The following AP2A2 variants were observed in gnomAD, a reference collection of about 807,000 sequenced individuals.
AP2A2 encodes the protein AP-2 complex subunit alpha-2.
AP2A2 carries 32 observed loss-of-function variants against 104.2 expected under a neutral mutation model. The observed-to-expected ratio is 0.31, with a 90% CI of 0.23 to 0.41. The LOEUF (loss-of-function observed/expected upper bound fraction) is 0.41. AP2A2 is among the 10% of genes least tolerant of loss of function. AP2A2 has a pLI of 1.00. For missense variants in AP2A2, 912 were observed against 1,261.0 expected, an observed-to-expected ratio of 0.72 and a Z score of 4.19; for synonymous variants, 539 against 533.3, an observed-to-expected ratio of 1.01 and a Z score of -0.15.
chr11:956,952 C>G (rs1301236542), intron 1 of AP2A2: 2 of 152,216 alleles, frequency 1.3e-5, no homozygotes, highest in African/African-American at 2.4e-5. Context: ...GGGGTGTCCT[C>G]CAGCTTGATT....
chr11:934,291 A>G (rs1035712917), intron 1 of AP2A2, among the ~76,000 whole-genome samples: 5 of 152,066 alleles, frequency 3.3e-5, no homozygotes, highest in Middle Eastern at 6.8e-3. Flanking sequence ...AATTTTTTAT[A>G]TTTATATTTA....
chr11:936,582 C>A (rs1232337030), intron 1 of AP2A2, among the ~76,000 whole-genome samples: 1 of 151,932 alleles, frequency 6.6e-6, no homozygotes, highest in Non-Finnish European at 1.5e-5. Context: ...GAAATGGGGT[C>A]TTGCTTTGTA....
At chr11:934,450 CCCTGTCGAGAG>C (rs1386909729) in intron 1 of AP2A2, among the ~76,000 whole-genome samples, 1 of 152,044 alleles carries the variant, frequency 6.6e-6, no homozygotes, top group Non-Finnish European at 1.5e-5. Flanking sequence ...CAAATTGTAG[CCCTGTCGAGAG>C]CCTGGAGTCT....
At chr11:987,287 A>T (rs921011200) in intron 9 of AP2A2, among the ~76,000 whole-genome samples, 1 of 152,068 alleles carries the variant, frequency 6.6e-6, no homozygotes, top group Non-Finnish European at 1.5e-5. Flanking sequence ...GAAAGATGAA[A>T]TTTTTTTCCC....
chr11:994,472 C>T (rs998442225), intron 14 of AP2A2, among the ~76,000 whole-genome samples: 19 of 150,816 alleles, frequency 1.3e-4, no homozygotes, highest in Admixed American at 1.3e-3. Flanking sequence ...GCTGTCCTGT[C>T]CCGGGGGCCA....
At chr11:941,452 T>G (rs1301379542) in intron 1 of AP2A2, among the ~76,000 whole-genome samples, 5 of 152,180 alleles carry the variant, frequency 3.3e-5, no homozygotes, top group African/African-American at 1.2e-4. Flanking sequence ...TTTATGTAAT[T>G]TTTATTTTTT....
At chr11:964,881 A>G (rs1463382802) in intron 2 of AP2A2, among the ~76,000 whole-genome samples, 1 of 127,346 alleles carries the variant, frequency 7.9e-6, no homozygotes, top group Non-Finnish European at 1.8e-5. Flanking sequence ...AAAGCATGGA[A>G]CGGGCGGGAA....
chr11:987,048 C>T (rs914884687), intron 9 of AP2A2, 95 bp downstream of exon 9: 27 of 1,386,796 alleles, frequency 1.9e-5, no homozygotes, highest in Middle Eastern at 3.6e-4. Flanking sequence ...CCTGACTCCC[C>T]GCAGAGATGG....
At chr11:959,830 C>T (rs1411106335) in intron 2 of AP2A2, among the ~76,000 whole-genome samples, 2 of 151,914 alleles carry the variant, frequency 1.3e-5, no homozygotes, top group Non-Finnish European at 2.9e-5. Context: ...CTGTGTAAGG[C>T]GCCACCGAAC....
chr11:934,454 G>T (rs1853389382), intron 1 of AP2A2, among the ~76,000 whole-genome samples: 1 of 152,030 alleles, frequency 6.6e-6, no homozygotes, highest in South Asian at 2.1e-4. Context: ...TTGTAGCCCT[G>T]TCGAGAGCCT....
At chr11:988,135 G>A (rs1327268470) in intron 9 of AP2A2, among the ~76,000 whole-genome samples, 2 of 152,236 alleles carry the variant, frequency 1.3e-5, no homozygotes, top group Admixed American at 6.5e-5. Context: ...CCATCAGCAC[G>A]GGCTCTGGGG....
intron 1 of AP2A2, chr11:942,402 C>T (rs185225023): frequency 1.9e-4 from 29 of 152,302 alleles, no homozygotes; most frequent in Admixed American, 1.9e-3. Context: ...GTGGTATGTA[C>T]TTTGCAAACC....
At chr11:983,369 ATTAT>A (rs72210326) in intron 6 of AP2A2, among the ~76,000 whole-genome samples, 144,433 of 146,390 alleles carry the variant, frequency 0.99, 71,262 homozygotes, top group South Asian at 1. Flanking sequence ...GTCTCTTTTT[ATTAT>A]TTATTTATTT....
intron 1 of AP2A2, among the ~76,000 whole-genome samples, chr11:944,269 A>T (rs1853758217): frequency 6.6e-6 from 1 of 152,158 alleles, no homozygotes; most frequent in Non-Finnish European, 1.5e-5. Flanking sequence ...AGCTCTTGGG[A>T]CAGTTTTTGG....
At chr11:1,007,813 C>T (rs1236876375) in intron 17 of AP2A2, 199 bp from the exon 18 acceptor site, 8 of 669,374 alleles carry the variant, frequency 1.2e-5, no homozygotes, top group South Asian at 3.8e-5. Flanking sequence ...ATTCTGGAAG[C>T]GTGAGAAGCA....
chr11:986,218 G>A (rs2133711974), intron 8 of AP2A2, among the ~76,000 whole-genome samples: 1 of 152,352 alleles, frequency 6.6e-6, no homozygotes, highest in Admixed American at 6.5e-5. Flanking sequence ...GCTCTCTACA[G>A]CTTGTGAACA....
At chr11:935,010 C>T (rs1853406495) in intron 1 of AP2A2, among the ~76,000 whole-genome samples, 1 of 151,632 alleles carries the variant, frequency 6.6e-6, no homozygotes, top group South Asian at 2.1e-4. Context: ...AGGAGCGCAC[C>T]ACCATGCCCG....
At chr11:956,535 A>G (rs1854240104) in intron 1 of AP2A2, among the ~76,000 whole-genome samples, 1 of 152,180 alleles carries the variant, frequency 6.6e-6, no homozygotes, top group Non-Finnish European at 1.5e-5. Context: ...GTGATGAATA[A>G]TTGTATTTTG....
At chr11:971,759 C>G (rs1019425142) in intron 3 of AP2A2, among the ~76,000 whole-genome samples, 4 of 152,194 alleles carry the variant, frequency 2.6e-5, no homozygotes, top group African/African-American at 9.7e-5. Flanking sequence ...GCGTGGCCCA[C>G]AGTGAAGTGA....
Sources: allele counts gnomAD v4.1 joint callset (sites outside exome capture counted in the v4.1 genomes callset), GRCh38; gene constraint gnomAD v4.1.1; transcripts MANE v1.5; gene names NCBI Gene and HGNC (gene_info 2026-07-23, HGNC 2026-07-21).